The following KANTR variants were observed in gnomAD, a reference collection of about 807,000 sequenced individuals.
The protein encoded by KANTR is KDM5C adjacent transcript.
intron 2 of KANTR, among the ~76,000 whole-genome samples, chrX:53,119,624 C>T (rs1182429015): frequency 2.7e-5 from 3 of 112,077 alleles, no homozygotes; most frequent in Non-Finnish European, 5.6e-5. Context: ...AATTACCTTG[C>T]CTTCATAATA....
intron 2 of KANTR, among the ~76,000 whole-genome samples, chrX:53,101,495 C>G (rs1255655879): frequency 8.9e-6 from 1 of 111,811 alleles, no homozygotes; most frequent in African/African-American, 3.2e-5. Flanking sequence ...TCCTTTGACT[C>G]GAATACTTAG....
At chrX:53,129,235 T>TGTGTGTGTGTGTGTGTGTGTGTG (rs1933330092), downstream of KANTR, among the ~76,000 whole-genome samples, 9 of 83,373 alleles carry the variant, frequency 1.1e-4, no homozygotes, top group African/African-American at 3.4e-4. Flanking sequence ...GCCTGGCTAT[T>TGTGTGTGTGTGTGTGTGTGTGTG]TGTGTGTGTG....
chrX:53,122,369 A>G (rs781932820), intron 2 of KANTR, among the ~76,000 whole-genome samples: 1 of 112,033 alleles, frequency 8.9e-6, no homozygotes, highest in Non-Finnish European at 1.9e-5. Context: ...TATGTTTTCT[A>G]TGGTGACAAC....
intron 1 of KANTR, among the ~76,000 whole-genome samples, chrX:53,098,050 C>CAAAAAAA (rs782145330): frequency 4.5e-5 from 2 of 44,266 alleles, no homozygotes; most frequent in African/African-American, 1.5e-4. Context: ...GACTCTGTCT[C>CAAAAAAA]AAAAAAAAAA....
downstream of KANTR, among the ~76,000 whole-genome samples, chrX:53,129,532 C>T (rs1028688143): frequency 1.8e-5 from 2 of 110,610 alleles, no homozygotes; most frequent in African/African-American, 6.6e-5. Flanking sequence ...TTGCTAGGTA[C>T]CTACTTCTAA....
chrX:53,127,754 A>G (rs1023877067), downstream of KANTR, among the ~76,000 whole-genome samples: 10 of 111,380 alleles, frequency 9.0e-5, no homozygotes, highest in African/African-American at 3.3e-4. Flanking sequence ...TACCTGGTGA[A>G]AAACAAAACC....
intron 2 of KANTR, among the ~76,000 whole-genome samples, chrX:53,110,524 C>T (rs1933018330): frequency 8.9e-6 from 1 of 111,911 alleles, no homozygotes; most frequent in South Asian, 3.7e-4. Flanking sequence ...GTTTCCAGTA[C>T]TTTGTTGAGG....
intron 2 of KANTR, among the ~76,000 whole-genome samples, chrX:53,111,819 TAAAAC>T (rs1177189719): frequency 4.5e-5 from 5 of 111,691 alleles, no homozygotes; most frequent in Admixed American, 9.6e-5. Flanking sequence ...GCTAAAAACT[TAAAAC>T]AAAACAGAAC....
intron 2 of KANTR, among the ~76,000 whole-genome samples, chrX:53,101,326 C>T (rs1328825489): frequency 8.9e-6 from 1 of 112,319 alleles, no homozygotes; most frequent in African/African-American, 3.2e-5. Flanking sequence ...ATGTTGAAGG[C>T]CGGGCGCAAT....
intron 2 of KANTR, among the ~76,000 whole-genome samples, chrX:53,134,256 G>C (rs782547415): frequency 3.6e-5 from 4 of 110,758 alleles, no homozygotes; most frequent in African/African-American, 1.3e-4. Flanking sequence ...CAGCTGCTCG[G>C]GAGACTGAGG....
chrX:53,136,058 G>A (rs1469775421), intron 2 of KANTR, among the ~76,000 whole-genome samples: 1 of 111,691 alleles, frequency 9.0e-6, no homozygotes, highest in Non-Finnish European at 1.9e-5. Flanking sequence ...CACCACATTA[G>A]CGAACATATG....
chrX:53,117,786 A>C (rs782262518), intron 2 of KANTR, among the ~76,000 whole-genome samples: 2 of 107,728 alleles, frequency 1.9e-5, no homozygotes, highest in Non-Finnish European at 3.8e-5. Flanking sequence ...ACACCCAGCT[A>C]ATTTTGTATT....
At chrX:53,129,381 G>A (rs781860821), downstream of KANTR, among the ~76,000 whole-genome samples, 2 of 110,155 alleles carry the variant, frequency 1.8e-5, no homozygotes, top group East Asian at 5.7e-4. Context: ...GAGCCACTGC[G>A]CCCAGCCTGA....
At chrX:53,098,845 C>T (rs1932866533) in intron 1 of KANTR, among the ~76,000 whole-genome samples, 1 of 110,767 alleles carries the variant, frequency 9.0e-6, no homozygotes, top group Non-Finnish European at 1.9e-5. Context: ...CCCACCTCAG[C>T]CTCCCAAGTA....
chrX:53,132,602 T>A (rs1933372686), intron 2 of KANTR, among the ~76,000 whole-genome samples: 1 of 112,013 alleles, frequency 8.9e-6, no homozygotes, highest in Non-Finnish European at 1.9e-5. Context: ...GGGACCCTCT[T>A]GCATTGGGAT....
chrX:53,137,725 T>C (rs181733482), intron 2 of KANTR, among the ~76,000 whole-genome samples: 9,774 of 107,335 alleles, frequency 0.091, 1,201 homozygotes, highest in African/African-American at 0.32. Context: ...GCTGAGATCG[T>C]GCCATTGCAC....
intron 2 of KANTR, among the ~76,000 whole-genome samples, chrX:53,139,220 C>CAGA (rs1491445935): frequency 2.5e-5 from 2 of 79,849 alleles, no homozygotes; most frequent in African/African-American, 1.1e-4. Flanking sequence ...GACTCCGTCT[C>CAGA]AAAAAAAAAA....
intron 2 of KANTR, among the ~76,000 whole-genome samples, chrX:53,111,675 C>T (rs933704860): frequency 3.6e-5 from 4 of 111,476 alleles, no homozygotes; most frequent in African/African-American, 1.3e-4. Context: ...CTCTTTAGCA[C>T]AGAGGTGTCC....
chrX:53,104,075 T>C lies in KANTR; in HGVS notation c.-805+4467T>C, dbSNP rs151244532. 9.9e-3 allele frequency among the ~76,000 whole-genome samples: 1,097 copies of C among 110,891 alleles called. 12 individuals carry two copies. The highest frequency in any genetic ancestry group is 0.034 in the African/African-American group (1,046 of 30,501). ...TTATTTTTGAGACAGGGTCTTACTG[T>C]ATTGCCCAGGCTGGACTTGAACTCC... On this transcript the variant is annotated intron_variant, in intron 2 of 2. Transcript: ENST00000604062.
Sources: gnomAD v4.1 joint callset for allele counts (sites outside exome capture counted in the v4.1 genomes callset) on GRCh38, gnomAD v4.1.1 for gene constraint, MANE v1.5 for transcripts, NCBI Gene and HGNC (gene_info 2026-07-23, HGNC 2026-07-21) for gene names.